Variants in BCL11A observed in about 807,000 individuals in gnomAD.
The protein encoded by BCL11A is B cell CLL/lymphoma 11A.
A neutral mutation model predicts 55.9 loss-of-function variants in BCL11A; 2 were observed. That is an observed-to-expected ratio of 0.04 (90% CI 0.01 to 0.11). The LOEUF (loss-of-function observed/expected upper bound fraction) is 0.11. Ranked by LOEUF, BCL11A falls within the 10% of genes least tolerant of loss-of-function variation. The probability of loss-of-function intolerance (pLI) is 1.00; values close to 1 mark genes in which losing one functional copy is unlikely to be tolerated. For synonymous variants in BCL11A, 465 were observed against 473.4 expected, an observed-to-expected ratio of 0.98 and a Z score of 0.23; for missense variants, 817 against 1,137.1, an observed-to-expected ratio of 0.72 and a Z score of 4.05.
intron 2 of BCL11A, chr2:60,522,848 A>G (rs1408435504): frequency 6.6e-6 from 1 of 152,262 alleles, no homozygotes; most frequent in Non-Finnish European, 1.5e-5. Flanking sequence ...TAGATATGTC[A>G]GTTATGTTCC....
chr2:60,466,421 G>C (rs376080994), intron 3 of BCL11A, among the ~76,000 whole-genome samples: 16 of 152,124 alleles, frequency 1.1e-4, no homozygotes, highest in Non-Finnish European at 4.4e-5. Context: ...GCAGGGACTA[G>C]AAACCGTGAG....
At chr2:60,540,482 C>A (rs565996142) in intron 2 of BCL11A, among the ~76,000 whole-genome samples, 228 of 152,248 alleles carry the variant, frequency 1.5e-3, no homozygotes, top group Non-Finnish European at 2.5e-3. Context: ...TTTAATATTT[C>A]CCCCCAAAGG....
At chr2:60,547,103 A>T (rs1165287661) in intron 1 of BCL11A, among the ~76,000 whole-genome samples, 2 of 149,898 alleles carry the variant, frequency 1.3e-5, no homozygotes, top group African/African-American at 4.9e-5. Flanking sequence ...CCAATTAGTC[A>T]TTTTTTTTTT....
intron 2 of BCL11A, among the ~76,000 whole-genome samples, chr2:60,503,414 T>G (rs551274922): frequency 6.6e-6 from 1 of 152,370 alleles, no homozygotes; most frequent in East Asian, 1.9e-4. Flanking sequence ...GACATGTCCC[T>G]GGAAGACAGT....
Position 60,553,350 on chromosome 2 carries a change from G to C in BCL11A, c.-80C>G, listed in dbSNP as rs1269637278. 6.9e-6 allele frequency: 10 copies of C among 1,445,096 alleles called. No homozygotes were observed. Among genetic ancestry groups the C allele is most frequent in the East Asian group, 2.5e-5 (1 of 40,412 alleles). 89.5% of individuals were successfully genotyped at this position (1,445,096 alleles called of 1,614,324 possible). Reference sequence around the variant, plus strand: ...GGCTCGGTTCACATCGGGAGAGCCGGGTTAGAAAGAAGGAGACTCCAGAGA... The same window carrying C: ...GGCTCGGTTCACATCGGGAGAGCCGCGTTAGAAAGAAGGAGACTCCAGAGA... On this transcript the variant is annotated 5_prime_UTR_variant, in exon 1 of 4. Transcript: ENST00000642384.
chr2:60,467,797 A>G (rs1420500120), intron 3 of BCL11A, among the ~76,000 whole-genome samples: 2 of 56,884 alleles, frequency 3.5e-5, no homozygotes, highest in Admixed American at 1.5e-4. Flanking sequence ...TGGTGATGGT[A>G]CTGGTGGTGA....
In BCL11A at chr2:60,460,390, G is replaced by T. The variant is rs373524493; in HGVS notation, c.*14C>A. On this transcript the variant is annotated 3_prime_UTR_variant, in exon 4 of 4. Transcript: ENST00000642384. ...GGTGTCAGGTGGGAGTGAGGGAGGG[G>T]TATTAATATACCTCTATTCAGTTTT... The T allele has an allele frequency of 4.2e-5, 66 of 1,576,728 alleles. 1 individual carries two copies. Among genetic ancestry groups the T allele is most frequent in the Non-Finnish European group, 5.5e-5 (64 of 1,155,324 alleles).
At chr2:60,549,068 T>C (rs1670276699) in intron 1 of BCL11A, among the ~76,000 whole-genome samples, 1 of 151,940 alleles carries the variant, frequency 6.6e-6, no homozygotes. Context: ...AAGCAGGGAG[T>C]CCTCGATTGA....
intron 2 of BCL11A, chr2:60,525,842 C>G (rs968583641): frequency 6.6e-6 from 1 of 152,214 alleles, no homozygotes; most frequent in Non-Finnish European, 1.5e-5. Context: ...GCCCTCCCCC[C>G]AAACCAGTCT....
intron 2 of BCL11A, 30 bp downstream of exon 2, chr2:60,545,941 A>G (rs1371788889): frequency 1.3e-6 from 2 of 1,588,896 alleles, no homozygotes; most frequent in African/African-American, 1.4e-5. Context: ...GAAAACATGC[A>G]AACAGCTTTT....
At chr2:60,550,538 T>A (rs1273723642) in intron 1 of BCL11A, among the ~76,000 whole-genome samples, 1 of 150,422 alleles carries the variant, frequency 6.6e-6, no homozygotes, top group African/African-American at 2.5e-5. Flanking sequence ...GAATGGCTCA[T>A]TCAGCCCACA....
chr2:60,513,619 C>T (rs572042528), intron 2 of BCL11A, among the ~76,000 whole-genome samples: 1 of 152,328 alleles, frequency 6.6e-6, no homozygotes, highest in Non-Finnish European at 1.5e-5. Flanking sequence ...GGGCCTGCTG[C>T]CTAATCCATC....
chr2:60,546,826 TAAAC>T lies in BCL11A; in HGVS notation c.56-530_56-527del, dbSNP rs1670180069. On this transcript the variant is annotated intron_variant, in intron 1 of 3. Coordinates refer to ENST00000642384, the MANE Select transcript of BCL11A (RefSeq NM_022893.4). The surrounding 1 kb of genome is among the most constrained non-coding windows in gnomAD (Gnocchi z 4.1). ...GTGTGTGAATGTATATACTCCTAAG[TAAAC>T]AGACATGGCTTCATAAATTAGAAAG... 6.6e-6 allele frequency among the ~76,000 whole-genome samples: 1 copy of T among 152,106 alleles called. No individual in the cohort carries two copies. Among genetic ancestry groups the T allele is most frequent in the South Asian group, 2.1e-4 (1 of 4,820 alleles).
intron 2 of BCL11A, among the ~76,000 whole-genome samples, chr2:60,488,496 G>A (rs1678416904): frequency 6.6e-6 from 1 of 152,314 alleles, no homozygotes; most frequent in Middle Eastern, 3.4e-3. Flanking sequence ...TCTATGATCA[G>A]TTTTTGTTTC....
At chr2:60,484,828 T>C (rs1357119748) in intron 2 of BCL11A, among the ~76,000 whole-genome samples, 1 of 152,006 alleles carries the variant, frequency 6.6e-6, no homozygotes, top group African/African-American at 2.4e-5. Context: ...CACCTCATTA[T>C]GGAACATATG....
Position 60,460,164 on chromosome 2 carries a change from A to C in BCL11A, c.*240T>G. On this transcript the variant is annotated 3_prime_UTR_variant, in exon 4 of 4. Transcript: ENST00000642384. ...TCATGCATTCAAACGGTGAGAACAT[A>C]AAGGAAAAAAAAAAAAAAGGAAAAA... 4 of 1,277,756 alleles carry C rather than the reference A, an allele frequency of 3.1e-6. No homozygotes were observed. The highest frequency in any genetic ancestry group is 3.1e-5 in the East Asian group (1 of 32,158). The allele number at this position is 1,277,756 out of a possible 1,614,324, so 79.2% of individuals were successfully genotyped here.
In BCL11A at chr2:60,462,203, G is replaced by C. The variant is rs148948393; in HGVS notation, c.709C>G (p.Pro237Ala). The C allele has an allele frequency of 1.9e-6, 3 of 1,610,254 alleles. No homozygotes were observed. The highest frequency in any genetic ancestry group is 2.5e-6 in the Non-Finnish European group (3 of 1,178,068). The change falls in exon 4 of 4, where the codon CCC becomes GCC. Residue 237 changes from proline (P) to alanine (A), a missense_variant. Physicochemically the swap from Pro to Ala is conservative, Grantham distance 27. This residue lies in a region of BCL11A where 363 missense variants were observed against 486.6 expected (regional missense o/e 0.75). Coordinates refer to ENST00000642384, the MANE Select transcript of BCL11A (RefSeq NM_022893.4). ...CCTGGTATTCTTAGCAGGTTAAAGGGGTTATTGTCTGCAATATGAATCCCA... is the reference window on the plus strand; with the variant it reads ...CCTGGTATTCTTAGCAGGTTAAAGGCGTTATTGTCTGCAATATGAATCCCA... ...LHGIHIADNN[P>A]FNLLRIPGSV...
intron 2 of BCL11A, chr2:60,508,771 C>T (rs1345642712): frequency 6.6e-6 from 1 of 152,358 alleles, no homozygotes; most frequent in Non-Finnish European, 1.5e-5. Context: ...GGCGACAGGG[C>T]TGGACCTTTG....
chr2:60,496,345 C>A (rs745849604), intron 2 of BCL11A, among the ~76,000 whole-genome samples: 1 of 152,154 alleles, frequency 6.6e-6, no homozygotes, highest in Admixed American at 6.5e-5. Flanking sequence ...AAGGGATAGC[C>A]CTATGAGGCA....
Sources: gnomAD v4.1 joint callset for allele counts (sites outside exome capture counted in the v4.1 genomes callset) on GRCh38, gnomAD v4.1.1 for gene constraint, gnomAD v4.1.1 regional missense constraint, Gnocchi (gnomAD v3.1) non-coding constraint, MANE v1.5 for transcripts, NCBI Gene and HGNC (gene_info 2026-07-23, HGNC 2026-07-21) for gene names.